Variants in DCP2 observed in about 807,000 individuals in gnomAD.
The protein encoded by DCP2 is m7GpppN-mRNA hydrolase.
Under a neutral mutation model 56.1 loss-of-function variants are expected in DCP2, and 30 were observed. That is an observed-to-expected ratio of 0.53 (90% CI 0.40 to 0.73). The LOEUF (loss-of-function observed/expected upper bound fraction) is 0.73. Among genes scored for constraint, DCP2 ranks in the 30% least tolerant of loss-of-function variants. The pLI, the probability that DCP2 is intolerant of heterozygous loss-of-function variation, is 0.00. For missense variants in DCP2, 533 were observed against 502.7 expected, an observed-to-expected ratio of 1.06 and a Z score of -0.58; for synonymous variants, 197 against 163.3, an observed-to-expected ratio of 1.21 and a Z score of -1.57.
intron 1 of DCP2, among the ~76,000 whole-genome samples, chr5:112,980,745 G>A (rs1747967444): frequency 6.6e-6 from 1 of 151,784 alleles, no homozygotes; most frequent in South Asian, 2.1e-4. Context: ...TAAATGACAG[G>A]CAACAGTCTT....
rs551432438 is a variant in DCP2 at position 113,016,547 on chromosome 5, A to C, written c.*3063A>C. 64 of 152,330 alleles carry C rather than the reference A, an allele frequency of 4.2e-4. No homozygotes were observed. Among genetic ancestry groups the C allele is most frequent in the African/African-American group, 1.5e-3 (63 of 41,590 alleles). The allele number at this position is 152,330 out of a possible 1,614,324, so 9.4% of individuals were successfully genotyped here. ...GATTGAATTGGTACTTTTCCTTATT[A>C]AGGCTTTAGTAATTTGTATGTAATG... On this transcript the variant is annotated 3_prime_UTR_variant, in exon 11 of 11. Coordinates refer to ENST00000389063, the MANE Select transcript of DCP2 (RefSeq NM_152624.6).
At chr5:112,983,062 AG>A in intron 1 of DCP2, among the ~76,000 whole-genome samples, 1 of 152,328 alleles carries the variant, frequency 6.6e-6, no homozygotes, top group Non-Finnish European at 1.5e-5. Flanking sequence ...GTTGGGCTCA[AG>A]GATTTCACAG....
intron 8 of DCP2, among the ~76,000 whole-genome samples, chr5:113,004,460 T>C (rs1749320929): frequency 6.6e-6 from 1 of 152,262 alleles, no homozygotes; most frequent in African/African-American, 2.4e-5. Flanking sequence ...ATAATTACAC[T>C]GCTATTAATA....
intron 3 of DCP2, 56 bp from the exon 4 acceptor site, chr5:112,992,616 G>A: frequency 7.9e-7 from 1 of 1,262,762 alleles, no homozygotes; most frequent in Non-Finnish European, 1.1e-6. Flanking sequence ...TTGATTTTTA[G>A]AAAGGAGCAT....
At chr5:112,985,346 TTGAAC>T (rs1196448357) in intron 1 of DCP2, among the ~76,000 whole-genome samples, 3 of 152,202 alleles carry the variant, frequency 2.0e-5, no homozygotes, top group Non-Finnish European at 4.4e-5. Flanking sequence ...ATTTGAAAGT[TTGAAC>T]TGAGGCTGTG....
rs562254738 is a variant in DCP2 at position 112,987,620 on chromosome 5, C to CTTTTTTTTTTTTT, written c.205+1647_205+1659dup. Among the ~76,000 whole-genome samples, 369 of 69,744 alleles carry CTTTTTTTTTTTTT rather than the reference C, an allele frequency of 5.3e-3. 2 individuals carry two copies. The highest frequency in any genetic ancestry group is 6.0e-3 in the African/African-American group (96 of 16,028). The allele number at this position is 69,744 out of a possible 152,430, so 45.8% of individuals were successfully genotyped here. A position where few individuals can be genotyped will look rare whatever the true frequency, so the allele number is the denominator to read the frequency against. ...GGTGCAAGCCACCACACCTAGGTGC[C>CTTTTTTTTTTTTT]TTTTTTTTTTTTTTTTTTTTTTTTT... is the stretch of plus-strand genomic sequence containing the variant. On this transcript the variant is annotated intron_variant, in intron 2 of 10. Transcript: ENST00000389063.
rs1750055996 is a variant in DCP2, at chr5:113,020,314, G to T, written c.*6830G>T. 2 of 152,066 alleles carry T rather than the reference G, an allele frequency of 1.3e-5. No homozygotes were observed. The highest frequency in any genetic ancestry group is 4.2e-4 in the South Asian group (2 of 4,818). 9.4% of individuals were successfully genotyped at this position (152,066 alleles called of 1,614,324 possible). A position where few individuals can be genotyped will look rare whatever the true frequency, so the allele number is the denominator to read the frequency against. On this transcript the variant is annotated 3_prime_UTR_variant, in exon 11 of 11. Transcript: ENST00000389063. ...TGATTCAACCTTTAATTTTTGCCTAGATTATAGCAATGTTTTGTTTTACCT... is the reference window on the plus strand; with the variant it reads ...TGATTCAACCTTTAATTTTTGCCTATATTATAGCAATGTTTTGTTTTACCT...
chr5:112,984,716 A>ATATATATATATATATATATATATG (rs1748186198), intron 1 of DCP2: 1 of 131,076 alleles, frequency 7.6e-6, no homozygotes, highest in African/African-American at 3.0e-5. Flanking sequence ...ATATATATAT[A>ATATATATATATATATATATATATG]TATATATATT....
chr5:113,005,648 C>G (rs1749392505), intron 8 of DCP2, among the ~76,000 whole-genome samples: 1 of 152,142 alleles, frequency 6.6e-6, no homozygotes, highest in African/African-American at 2.4e-5. Flanking sequence ...AATTCCATTC[C>G]TAGGTAATAT....
At chr5:112,987,620 CTTTTTTTTTT>C (rs562254738) in intron 2 of DCP2, among the ~76,000 whole-genome samples, 5 of 69,732 alleles carry the variant, frequency 7.2e-5, no homozygotes, top group East Asian at 4.0e-4. Flanking sequence ...ACCTAGGTGC[CTTTTTTTTTT>C]TTTTTTTTTT....
intron 1 of DCP2, among the ~76,000 whole-genome samples, chr5:112,979,483 A>C (rs1367144479): frequency 1.3e-5 from 2 of 152,058 alleles, no homozygotes; most frequent in African/African-American, 4.8e-5. Context: ...GCTCTCTTTT[A>C]TGTACGTCTT....
intron 2 of DCP2, among the ~76,000 whole-genome samples, chr5:112,991,066 C>G (rs1489936558): frequency 2.6e-5 from 4 of 151,968 alleles, no homozygotes; most frequent in African/African-American, 9.7e-5. Flanking sequence ...TGTAGATTAG[C>G]TTTATTTCTG....
chr5:113,008,868 T>G (rs911546089), intron 9 of DCP2, among the ~76,000 whole-genome samples: 4 of 151,906 alleles, frequency 2.6e-5, no homozygotes, highest in African/African-American at 9.7e-5. Flanking sequence ...TTTTTGAGAT[T>G]GAGTCTCTCT....
chr5:113,005,219 A>C (rs1455654126), intron 8 of DCP2, among the ~76,000 whole-genome samples: 1 of 151,986 alleles, frequency 6.6e-6, no homozygotes, highest in Non-Finnish European at 1.5e-5. Flanking sequence ...GACATTTTCA[A>C]AATAGTGAAA....
rs1749777692 is a variant in DCP2 at position 113,013,839 on chromosome 5, C to A, written c.*355C>A. 2 of 177,752 alleles carry A rather than the reference C, an allele frequency of 1.1e-5. No individual in the cohort carries two copies. Among genetic ancestry groups the A allele is most frequent in the Non-Finnish European group, 2.4e-5 (2 of 84,712 alleles). The allele number at this position is 177,752 out of a possible 1,614,324, so 11.0% of individuals were successfully genotyped here. On this transcript the variant is annotated 3_prime_UTR_variant, in exon 11 of 11. Transcript: ENST00000389063. ...ATGGGAATGCTCCATCTACCTGTTA[C>A]AGTGATTGCAATAATAGTATATTGG...
At position 113,014,354 on chromosome 5, in the gene DCP2, A is replaced by G. The variant is rs116174991; in HGVS notation, c.*870A>G. 13 of 152,310 alleles carry G rather than the reference A, an allele frequency of 8.5e-5. No homozygotes were observed. Among genetic ancestry groups the G allele is most frequent in the African/African-American group, 3.1e-4 (13 of 41,566 alleles). 9.4% of individuals were successfully genotyped at this position (152,310 alleles called of 1,614,324 possible). A position where few individuals can be genotyped will look rare whatever the true frequency, so the allele number is the denominator to read the frequency against. Reference sequence around the variant, plus strand: ...ATATGTATGGAAAACTGATATTACTAGGTTTTACGTTGCATCTCCAGTATT... The same window carrying G: ...ATATGTATGGAAAACTGATATTACTGGGTTTTACGTTGCATCTCCAGTATT... On this transcript the variant is annotated 3_prime_UTR_variant, in exon 11 of 11. Transcript: ENST00000389063.
Position 113,013,649 on chromosome 5 carries a change from C to T in DCP2, c.*165C>T. The T allele has an allele frequency of 1.3e-6, 1 of 763,050 alleles. No individual in the cohort carries two copies. Among genetic ancestry groups the T allele is most frequent in the Non-Finnish European group, 2.1e-6 (1 of 480,840 alleles). The allele number at this position is 763,050 out of a possible 1,614,324, so 47.3% of individuals were successfully genotyped here. ...GAGAGTAGAAAGAAACACGAGTTTG[C>T]ACTGTAAATGCAGTTATAACCTTTT... On this transcript the variant is annotated 3_prime_UTR_variant, in exon 11 of 11. Coordinates refer to ENST00000389063, the MANE Select transcript of DCP2 (RefSeq NM_152624.6).
chr5:112,986,135 A>G, intron 2 of DCP2, 149 bp downstream of exon 2: 3 of 643,222 alleles, frequency 4.7e-6, no homozygotes, highest in Middle Eastern at 4.6e-4. Context: ...TAGTAGACAC[A>G]ATTTAGTAAT....
intron 2 of DCP2, among the ~76,000 whole-genome samples, chr5:112,990,425 C>A (rs1295498732): frequency 6.6e-6 from 1 of 152,130 alleles, no homozygotes; most frequent in Non-Finnish European, 1.5e-5. Context: ...GGCTGAAGTT[C>A]TGCTAGGGAT....
Sources: gnomAD v4.1 joint callset for allele counts (sites outside exome capture counted in the v4.1 genomes callset) on GRCh38, gnomAD v4.1.1 for gene constraint, MANE v1.5 for transcripts, NCBI Gene and HGNC (gene_info 2026-07-23, HGNC 2026-07-21) for gene names.